LYPD6: variants seen among roughly 807,000 people sequenced by gnomAD.
The protein encoded by LYPD6 is LY6/PLAUR domain containing 6, also known as ly6/PLAUR domain-containing protein 6.
A neutral mutation model predicts 22.7 loss-of-function variants in LYPD6; 15 were observed. That is an observed-to-expected ratio of 0.66 (90% confidence interval 0.44 to 1.02). LYPD6 has a LOEUF of 1.02. Ranked by LOEUF, LYPD6 falls within the 50% of genes least tolerant of loss-of-function variation. The pLI is 0.00. For synonymous variants in LYPD6, 72 were observed against 77.5 expected (o/e 0.93, Z 0.37); for missense variants, 189 against 208.4 (o/e 0.91, Z 0.57).
chr2:149,427,409 A>C (rs1218749705), intron 1 of LYPD6, among the ~76,000 whole-genome samples: 1 of 152,216 alleles, frequency 6.6e-6, no homozygotes, highest in Non-Finnish European at 1.5e-5. Context: ...CCAATAAATA[A>C]AAAATGACAA....
chr2:149,442,671 A>G (rs1419264043), intron 2 of LYPD6, among the ~76,000 whole-genome samples: 5 of 152,124 alleles, frequency 3.3e-5, no homozygotes, highest in Non-Finnish European at 1.5e-5. Flanking sequence ...CCTCTTTATC[A>G]GATGCAGTAT....
intron 2 of LYPD6, among the ~76,000 whole-genome samples, chr2:149,448,439 G>A (rs116596861): frequency 0.011 from 1,714 of 152,026 alleles, 38 homozygotes; most frequent in African/African-American, 0.04. Context: ...ATTTTATCAT[G>A]TGTAGGTTTG....
chr2:149,345,069 A>T (rs1023131375), intron 1 of LYPD6, among the ~76,000 whole-genome samples: 2 of 152,078 alleles, frequency 1.3e-5, no homozygotes, highest in Admixed American at 6.6e-5. Context: ...TAAAAAAAAT[A>T]AAAAGAGAGT....
intron 1 of LYPD6, among the ~76,000 whole-genome samples, chr2:149,348,451 A>C (rs989528285): frequency 1.3e-5 from 2 of 152,182 alleles, no homozygotes; most frequent in Non-Finnish European, 2.9e-5. Flanking sequence ...CTCCACTGTG[A>C]AGGTATCACA....
chr2:149,336,156 G>C (rs992460192), intron 1 of LYPD6, among the ~76,000 whole-genome samples: 5 of 152,190 alleles, frequency 3.3e-5, no homozygotes, highest in African/African-American at 1.2e-4. Context: ...AAAAAATGGA[G>C]ATCAATAGGT....
chr2:149,434,234 G>A (rs934397651), intron 1 of LYPD6, among the ~76,000 whole-genome samples: 2 of 152,122 alleles, frequency 1.3e-5, no homozygotes, highest in African/African-American at 4.8e-5. Flanking sequence ...AAACAAAAAT[G>A]GAAAATGCTG....
intron 3 of LYPD6, chr2:149,464,264 G>A (rs1681154161): frequency 6.5e-6 from 2 of 306,810 alleles, no homozygotes; most frequent in African/African-American, 2.3e-5. Context: ...ACCTGGTTGG[G>A]AGGAAGATCA....
chr2:149,420,809 A>T (rs952529322), intron 1 of LYPD6, among the ~76,000 whole-genome samples: 1 of 152,244 alleles, frequency 6.6e-6, no homozygotes, highest in Admixed American at 6.5e-5. Context: ...CCCTTAACTG[A>T]GCCGTGTGGA....
intron 1 of LYPD6, among the ~76,000 whole-genome samples, chr2:149,334,681 A>G (rs1259547479): frequency 2.6e-5 from 4 of 152,024 alleles, no homozygotes; most frequent in African/African-American, 4.8e-5. Flanking sequence ...CTGGGGGCCA[A>G]GAAACCAGAC....
intron 1 of LYPD6, among the ~76,000 whole-genome samples, chr2:149,432,331 A>G (rs1683331937): frequency 6.6e-6 from 1 of 152,242 alleles, no homozygotes; most frequent in Non-Finnish European, 1.5e-5. Flanking sequence ...CAATAGCCAA[A>G]AAGTGAAAAT....
At chr2:149,384,212 T>C (rs1682129711) in intron 1 of LYPD6, among the ~76,000 whole-genome samples, 2 of 152,224 alleles carry the variant, frequency 1.3e-5, no homozygotes, top group African/African-American at 4.8e-5. Flanking sequence ...GTTCATATTT[T>C]ATTTACTAAG....
chr2:149,358,242 C>A (rs1213325137), intron 1 of LYPD6, among the ~76,000 whole-genome samples: 1 of 152,086 alleles, frequency 6.6e-6, no homozygotes, highest in Non-Finnish European at 1.5e-5. Context: ...CTGTTTCTTC[C>A]TATTATATTA....
intron 2 of LYPD6, among the ~76,000 whole-genome samples, chr2:149,441,635 G>A (rs1683569951): frequency 6.6e-6 from 1 of 152,140 alleles, no homozygotes; most frequent in South Asian, 2.1e-4. Context: ...GTCATTTGTT[G>A]TTGAGTTTTT....
intron 1 of LYPD6, among the ~76,000 whole-genome samples, chr2:149,345,993 C>A (rs945060738): frequency 3.3e-5 from 5 of 151,988 alleles, no homozygotes; most frequent in African/African-American, 1.2e-4. Context: ...ATAAATGATG[C>A]CTTAGTTTAC....
chr2:149,373,944 A>G (rs1681864268), intron 1 of LYPD6, among the ~76,000 whole-genome samples: 1 of 152,148 alleles, frequency 6.6e-6, no homozygotes, highest in Admixed American at 6.5e-5. Flanking sequence ...TTGTGGCTTT[A>G]TATTTACTCA....
chr2:149,432,661 A>G (rs1456247728), intron 1 of LYPD6, among the ~76,000 whole-genome samples: 1 of 152,196 alleles, frequency 6.6e-6, no homozygotes, highest in Non-Finnish European at 1.5e-5. Flanking sequence ...GGTGAGCAGC[A>G]TAGTACCCTA....
At chr2:149,401,258 T>G (rs1372706950) in intron 1 of LYPD6, among the ~76,000 whole-genome samples, 2 of 152,348 alleles carry the variant, frequency 1.3e-5, no homozygotes, top group South Asian at 4.1e-4. Flanking sequence ...TGGTCAGGAA[T>G]GCACCACATG....
intron 1 of LYPD6, among the ~76,000 whole-genome samples, chr2:149,385,920 T>G (rs1255183230): frequency 6.6e-6 from 1 of 152,126 alleles, no homozygotes; most frequent in Non-Finnish European, 1.5e-5. Context: ...GTTGGAAGAT[T>G]AAGGCAGCAC....
At chr2:149,355,034 T>G (rs148861716) in intron 1 of LYPD6, among the ~76,000 whole-genome samples, 1 of 152,320 alleles carries the variant, frequency 6.6e-6, no homozygotes, top group African/African-American at 2.4e-5. Flanking sequence ...AAACTAGAAT[T>G]TATTTAATTA....
Sources: gnomAD v4.1 joint callset for allele counts (sites outside exome capture counted in the v4.1 genomes callset) on GRCh38, gnomAD v4.1.1 for gene constraint, MANE v1.5 for transcripts, NCBI Gene and HGNC (gene_info 2026-07-23, HGNC 2026-07-21) for gene names.